TIGAR: variants seen among roughly 807,000 people sequenced by gnomAD.
The protein encoded by TIGAR is TP53 induced glycolysis regulatory phosphatase, also known as fructose-2,6-bisphosphatase TIGAR.
A neutral mutation model predicts 17.9 loss-of-function variants in TIGAR; 7 were observed. The observed-to-expected ratio is 0.39, with a 90% CI of 0.22 to 0.73. The LOEUF (loss-of-function observed/expected upper bound fraction) is 0.73, where lower values mean the gene tolerates loss of function less well. Among genes scored for constraint, TIGAR ranks in the 30% least tolerant of loss-of-function variants. The pLI is 0.42. For missense variants in TIGAR, 258 were observed against 327.4 expected, an observed-to-expected ratio of 0.79 and a Z score of 1.64; for synonymous variants, 94 against 108.6, an observed-to-expected ratio of 0.87 and a Z score of 0.84.
chr12:4,349,516 C>G (rs1864814637), intron 3 of TIGAR, among the ~76,000 whole-genome samples: 1 of 151,974 alleles, frequency 6.6e-6, no homozygotes, highest in African/African-American at 2.4e-5. Context: ...CTCCCAGGTT[C>G]AAGCAATTCT....
At chr12:4,333,643 A>G (rs965790804) in intron 2 of TIGAR, among the ~76,000 whole-genome samples, 19 of 151,976 alleles carry the variant, frequency 1.3e-4, no homozygotes, top group Admixed American at 9.2e-4. Flanking sequence ...TAGTTTTTGT[A>G]TTTTTAGTAG....
Position 4,349,914 on chromosome 12 carries a change from A to T in TIGAR, c.270+18A>T, listed in dbSNP as rs1285589681. 1 of 1,513,248 alleles carries T rather than the reference A, an allele frequency of 6.6e-7. No individual in the cohort carries two copies. The allele number at this position is 1,513,248 out of a possible 1,614,324, so 93.7% of individuals were successfully genotyped here. On this transcript the variant is annotated intron_variant, in intron 4 of 5. Transcript: ENST00000179259. ...GGGAAAGGGTGAGTAACTTATTTACATATTGTTCTTCCCCATAAATTATCA... is the reference window on the plus strand; with the variant it reads ...GGGAAAGGGTGAGTAACTTATTTACTTATTGTTCTTCCCCATAAATTATCA...
At chr12:4,329,328 CTTTTTTTTTTTTT>C (rs34584528) in intron 1 of TIGAR, among the ~76,000 whole-genome samples, 3 of 73,240 alleles carry the variant, frequency 4.1e-5, no homozygotes, top group Non-Finnish European at 4.8e-5. Context: ...AGCTAATGAT[CTTTTTTTTTTTTT>C]TTTTTTTTTT....
At chr12:4,349,933 A>G (rs757758253) in intron 4 of TIGAR, 37 bp downstream of exon 4, 3 of 1,410,858 alleles carry the variant, frequency 2.1e-6, no homozygotes, top group Non-Finnish European at 2.9e-6. Context: ...TTCCCCATAA[A>G]TTATCAGTAA....
intron 5 of TIGAR, 119 bp downstream of exon 5, chr12:4,351,496 C>A (rs2120693838): frequency 2.8e-6 from 2 of 717,550 alleles, no homozygotes; most frequent in Non-Finnish European, 4.6e-6. Flanking sequence ...TTTAAATTAT[C>A]TATTTACTTA....
rs2120710678 is a variant in TIGAR, at chr12:4,358,489, T to A, written c.*5798T>A. On this transcript the variant is annotated 3_prime_UTR_variant, in exon 6 of 6. Coordinates refer to ENST00000179259, the MANE Select transcript of TIGAR (RefSeq NM_020375.3). The stretch of plus-strand genomic sequence containing the variant: ...CCACTTGCTTACCTGTTGTCCCACT[T>A]GCTTTGCCATTTTTTCTCTCTCCCT... 6.6e-6 allele frequency among the ~76,000 whole-genome samples: 1 copy of A among 152,330 alleles called. No individual in the cohort carries two copies. The highest frequency in any genetic ancestry group is 1.5e-5 in the Non-Finnish European group (1 of 68,034).
Position 4,357,040 on chromosome 12 carries a change from T to C in TIGAR, c.*4349T>C, listed in dbSNP as rs1864911299. On this transcript the variant is annotated 3_prime_UTR_variant, in exon 6 of 6. Coordinates refer to ENST00000179259, the MANE Select transcript of TIGAR (RefSeq NM_020375.3). Reference sequence around the variant, plus strand: ...GTTAGCATCTTTATTCTAATTTCTTTAAATGCTATGTCATACTCAGCAAGG... The same window carrying C: ...GTTAGCATCTTTATTCTAATTTCTTCAAATGCTATGTCATACTCAGCAAGG... Among the ~76,000 whole-genome samples, 1 of 152,214 alleles carries C rather than the reference T, an allele frequency of 6.6e-6. No homozygotes were observed. The highest frequency in any genetic ancestry group is 2.1e-4 in the South Asian group (1 of 4,834).
chr12:4,338,843 G>T (rs759031641), intron 3 of TIGAR, among the ~76,000 whole-genome samples: 3 of 151,914 alleles, frequency 2.0e-5, no homozygotes, highest in Admixed American at 6.6e-5. Context: ...TGGCGTGGTG[G>T]CAGGCACCTG....
intron 3 of TIGAR, among the ~76,000 whole-genome samples, chr12:4,338,749 G>C (rs147428478): frequency 5.7e-4 from 87 of 152,084 alleles, no homozygotes; most frequent in African/African-American, 1.6e-3. Context: ...AGGCCGAGAT[G>C]GGAGGATTGC....
intron 1 of TIGAR, chr12:4,324,525 G>A: frequency 3.7e-6 from 6 of 1,609,174 alleles, no homozygotes; most frequent in Non-Finnish European, 4.2e-6. Context: ...CGTTGTAGAC[G>A]CCCACCATGC....
chr12:4,322,103 TCTC>T (rs1864487487), intron 1 of TIGAR, among the ~76,000 whole-genome samples: 1 of 152,178 alleles, frequency 6.6e-6, no homozygotes, highest in African/African-American at 2.4e-5. Flanking sequence ...TTCAAGCGAT[TCTC>T]CTGCTTCAGC....
At position 4,353,135 on chromosome 12, in the gene TIGAR, T is replaced by A. The variant is rs1371314577; in HGVS notation, c.*444T>A. 1 of 155,316 alleles carries A rather than the reference T, an allele frequency of 6.4e-6. No homozygotes were observed. The highest frequency in any genetic ancestry group is 1.4e-5 in the Non-Finnish European group (1 of 70,138). 9.6% of individuals were successfully genotyped at this position (155,316 alleles called of 1,614,324 possible). Reference sequence around the variant, plus strand: ...ATATTGACTGTGTTATATTTTTAAATCCTTTAAATAAAAAATCCTTATAAG... The same window carrying A: ...ATATTGACTGTGTTATATTTTTAAAACCTTTAAATAAAAAATCCTTATAAG... On this transcript the variant is annotated 3_prime_UTR_variant, in exon 6 of 6. Transcript: ENST00000179259.
rs1203284222 is a variant in TIGAR at position 4,358,287 on chromosome 12, CAAAAAAAA to C, written c.*5604_*5611del. On this transcript the variant is annotated 3_prime_UTR_variant, in exon 6 of 6. Transcript: ENST00000179259. ...AATACAAAAATTAGCTGGGCGTCTC[CAAAAAAAA>C]AAAAAAAGAAAAAGAAAAATCACTG... Among the ~76,000 whole-genome samples, 82 of 109,670 alleles carry C rather than the reference CAAAAAAAA, an allele frequency of 7.5e-4. No homozygotes were observed. The highest frequency in any genetic ancestry group is 2.4e-3 in the African/African-American group (79 of 32,522). 71.9% of individuals were successfully genotyped at this position (109,670 alleles called of 152,430 possible). A position where few individuals can be genotyped will look rare whatever the true frequency, so the allele number is the denominator to read the frequency against.
chr12:4,340,373 A>G (rs1864706810), intron 3 of TIGAR, among the ~76,000 whole-genome samples: 1 of 152,228 alleles, frequency 6.6e-6, no homozygotes, highest in South Asian at 2.1e-4. Context: ...GGAAAACTAT[A>G]AGACACTGAT....
At chr12:4,324,670 G>A (rs932096366) in intron 1 of TIGAR, 11 of 1,123,654 alleles carry the variant, frequency 9.8e-6, no homozygotes, top group South Asian at 4.0e-5. Context: ...CCGCAGGCCC[G>A]GGTTCACTTG....
chr12:4,340,634 T>C (rs1462000332), intron 3 of TIGAR, among the ~76,000 whole-genome samples: 1 of 152,168 alleles, frequency 6.6e-6, no homozygotes. Context: ...TCACAGTACC[T>C]GACTTCAAAT....
In TIGAR at chr12:4,356,553, C is replaced by T. The variant is rs1264787142; in HGVS notation, c.*3862C>T. ...CCCCACCAGACCAGTGCATCTGTTA[C>T]CATCGGTGAGCCCACATTACACTGA... On this transcript the variant is annotated 3_prime_UTR_variant, in exon 6 of 6. Transcript: ENST00000179259. Among the ~76,000 whole-genome samples the T allele has an allele frequency of 1.3e-5, 2 of 152,134 alleles. No homozygotes were observed. The highest frequency in any genetic ancestry group is 4.1e-4 in the South Asian group (2 of 4,830).
chr12:4,327,432 G>A (rs1034318383), intron 1 of TIGAR, among the ~76,000 whole-genome samples: 20 of 150,386 alleles, frequency 1.3e-4, no homozygotes, highest in Non-Finnish European at 7.4e-5. Flanking sequence ...AAAAAAGAAA[G>A]AAAGGATGTG....
At position 4,354,824 on chromosome 12, in the gene TIGAR, C is replaced by T. The variant is rs1294564575; in HGVS notation, c.*2133C>T. Among the ~76,000 whole-genome samples the T allele has an allele frequency of 1.3e-5, 2 of 149,252 alleles. No individual in the cohort carries two copies. Among genetic ancestry groups the T allele is most frequent in the African/African-American group, 4.9e-5 (2 of 40,452 alleles). ...TTGGCTCACTGCAACCTCCACCTCTCGGGTTCAAGCAATTCTTGTGCCTCA... is the reference window on the plus strand; with the variant it reads ...TTGGCTCACTGCAACCTCCACCTCTTGGGTTCAAGCAATTCTTGTGCCTCA... On this transcript the variant is annotated 3_prime_UTR_variant, in exon 6 of 6. Transcript: ENST00000179259.
Sources: allele counts gnomAD v4.1 joint callset (sites outside exome capture counted in the v4.1 genomes callset), GRCh38; gene constraint gnomAD v4.1.1; transcripts MANE v1.5; gene names NCBI Gene and HGNC (gene_info 2026-07-23, HGNC 2026-07-21).